The following EEA1 variants were observed in gnomAD, a reference collection of about 807,000 sequenced individuals.
The protein encoded by EEA1 is early endosome antigen 1.
EEA1 carries 111 observed loss-of-function variants against 209.2 expected under a neutral mutation model. That is an observed-to-expected ratio of 0.53 (90% CI 0.45 to 0.62). EEA1 has a LOEUF of 0.62. Ranked by LOEUF, EEA1 falls within the 20% of genes least tolerant of loss-of-function variation. The probability of loss-of-function intolerance (pLI) is 0.00; values close to 1 mark genes in which losing one functional copy is unlikely to be tolerated. For synonymous variants in EEA1, 536 were observed against 540.6 expected, an observed-to-expected ratio of 0.99 and a Z score of 0.12; for missense variants, 1,343 against 1,530.8, an observed-to-expected ratio of 0.88 and a Z score of 2.05.
chr12:92,840,809 T>C (rs530090252), intron 10 of EEA1, among the ~76,000 whole-genome samples: 1 of 152,266 alleles, frequency 6.6e-6, no homozygotes, highest in South Asian at 2.1e-4. Context: ...TTGCATATAT[T>C]GTTGCTATGG....
chr12:92,869,610 G>T (rs1382786092), intron 2 of EEA1, among the ~76,000 whole-genome samples: 1 of 150,014 alleles, frequency 6.7e-6, no homozygotes, highest in African/African-American at 2.4e-5. Context: ...CAAAAAATTA[G>T]CTGGGCATGC....
rs1475671383 is a variant in EEA1, at chr12:92,840,274, AAT to A, written c.915+2189_915+2190del. On this transcript the variant is annotated intron_variant, in intron 10 of 28. Transcript: ENST00000322349. ...AGTAAAGACAAAGGGAAAAAGTATT[AAT>A]ATTAGTACCTCCCCTAACCCCAAAC... Among the ~76,000 whole-genome samples the A allele has an allele frequency of 6.6e-5, 10 of 152,258 alleles. No homozygotes were observed. In the South Asian group the frequency reaches 2.1e-3, roughly 32 times the overall value.
chr12:92,842,238 G>A (rs535665144), intron 10 of EEA1, among the ~76,000 whole-genome samples: 1 of 151,944 alleles, frequency 6.6e-6, no homozygotes, highest in Non-Finnish European at 1.5e-5. Context: ...AAGCTTCCAG[G>A]AGCTAGAGAG....
At chr12:92,780,690 T>TTA (rs1203619237) in intron 23 of EEA1, among the ~76,000 whole-genome samples, 5 of 152,206 alleles carry the variant, frequency 3.3e-5, no homozygotes, top group Non-Finnish European at 7.3e-5. Flanking sequence ...ATTCTTACTC[T>TTA]TATAACTCCT....
chr12:92,858,803 CA>C (rs2136716814), intron 3 of EEA1: 1 of 784,326 alleles, frequency 1.3e-6, no homozygotes, highest in East Asian at 2.9e-5. Flanking sequence ...GATGAGGATA[CA>C]ATCTACCACC....
At chr12:92,790,362 T>C (rs1874345577) in intron 21 of EEA1, among the ~76,000 whole-genome samples, 1 of 152,164 alleles carries the variant, frequency 6.6e-6, no homozygotes, top group African/African-American at 2.4e-5. Context: ...TTCGAACCCA[T>C]CGCAAGGAAG....
intron 1 of EEA1, among the ~76,000 whole-genome samples, chr12:92,912,758 A>G (rs1313531863): frequency 6.6e-6 from 1 of 151,756 alleles, no homozygotes; most frequent in Non-Finnish European, 1.5e-5. Context: ...ATCTGTATCC[A>G]TTGTCTAGCT....
intron 18 of EEA1, among the ~76,000 whole-genome samples, chr12:92,804,574 A>AAAG (rs1875101494): frequency 1.3e-5 from 2 of 149,836 alleles, no homozygotes; most frequent in East Asian, 3.9e-4. Context: ...TCTGTCTCAA[A>AAAG]AAAAAAAAAA....
intron 7 of EEA1, 26 bp downstream of exon 7, chr12:92,852,886 G>T: frequency 1.3e-6 from 2 of 1,522,148 alleles, no homozygotes; most frequent in Non-Finnish European, 1.8e-6. Flanking sequence ...TTGATTTATT[G>T]GCTAAAAAAT....
intron 9 of EEA1, among the ~76,000 whole-genome samples, chr12:92,850,796 A>G (rs1877594101): frequency 6.6e-6 from 1 of 151,666 alleles, no homozygotes; most frequent in African/African-American, 2.4e-5. Flanking sequence ...AGAAAATGCT[A>G]TCATTCTTCC....
chr12:92,876,151 C>T (rs969584926), intron 2 of EEA1, among the ~76,000 whole-genome samples: 3 of 152,138 alleles, frequency 2.0e-5, no homozygotes, highest in Non-Finnish European at 4.4e-5. Context: ...GATTAACTTG[C>T]GGCCTCGAAC....
chr12:92,864,322 C>T lies in EEA1; in HGVS notation c.245+538G>A, dbSNP rs942598858. Among the ~76,000 whole-genome samples the T allele has an allele frequency of 1.6e-4, 24 of 151,948 alleles. 1 individual carries two copies. Among genetic ancestry groups the T allele is most frequent in the Admixed American group, 1.5e-3 (23 of 15,246 alleles). On this transcript the variant is annotated intron_variant, in intron 3 of 28. Coordinates refer to ENST00000322349, the MANE Select transcript of EEA1 (RefSeq NM_003566.4). ...GGGGATAAAAGACAAGAGTTCTCTC[C>T]AATAGCAGAAGAAATGCAAAGTTAT...
At chr12:92,889,967 G>A (rs963420944) in intron 2 of EEA1, among the ~76,000 whole-genome samples, 3 of 151,924 alleles carry the variant, frequency 2.0e-5, no homozygotes, top group African/African-American at 7.3e-5. Context: ...AACAAAGCTG[G>A]GGTTATTCCA....
At chr12:92,926,086 C>T (rs1881203398) in intron 1 of EEA1, among the ~76,000 whole-genome samples, 2 of 151,670 alleles carry the variant, frequency 1.3e-5, no homozygotes, top group South Asian at 2.1e-4. Flanking sequence ...CTCCACCTCC[C>T]GGGTTCAAGT....
In EEA1 at chr12:92,787,988, T is replaced by C. The variant is rs76077763; in HGVS notation, c.3029A>G (p.Glu1010Gly). ...LTQAAQELAAEKEKISVLQNN... is the reference protein window; with the variant it reads ...LTQAAQELAAGKEKISVLQNN... ...TTGTAATACTGATATTTTCTCTTTC[T>C]CTGCTGCAAGTTCCTGGGCTGCCTG... The change falls in exon 22 of 29, where the codon GAG becomes GGG. Residue 1010 changes from glutamate (E) to glycine (G), a missense_variant. Glu to Gly is a moderately conservative substitution (Grantham distance 98). Coordinates refer to ENST00000322349, the MANE Select transcript of EEA1 (RefSeq NM_003566.4). The C allele has an allele frequency of 1.6e-4, 265 of 1,612,920 alleles. 2 individuals are homozygous for C. The East Asian group carries it at 5.9e-3, about 36-fold the overall frequency.
chr12:92,887,660 T>TA lies in EEA1; in HGVS notation c.117+3968dup, dbSNP rs202029878. ...AAGACCTTGTCTCAAAAAATAAAAA[T>TA]AAAAAAAATACCTATGATAGAATAA... On this transcript the variant is annotated intron_variant, in intron 2 of 28. Transcript: ENST00000322349. Among the ~76,000 whole-genome samples the TA allele has an allele frequency of 6.0e-3, 902 of 151,164 alleles. 8 individuals are homozygous for TA. The highest frequency in any genetic ancestry group is 0.021 in the African/African-American group (859 of 41,218).
At chr12:92,834,209 A>G (rs1430828115) in intron 10 of EEA1, among the ~76,000 whole-genome samples, 2 of 152,096 alleles carry the variant, frequency 1.3e-5, no homozygotes, top group East Asian at 3.9e-4. Flanking sequence ...TCAAACAGAA[A>G]TATACTATGG....
chr12:92,802,278 T>G (rs1317786009), intron 19 of EEA1, 126 bp downstream of exon 19: 2 of 858,408 alleles, frequency 2.3e-6, no homozygotes, highest in Non-Finnish European at 3.4e-6. Context: ...ATTAATTTCC[T>G]CATAAGAACT....
intron 9 of EEA1, among the ~76,000 whole-genome samples, chr12:92,849,097 G>T (rs1251764477): frequency 6.6e-6 from 1 of 152,118 alleles, no homozygotes; most frequent in Non-Finnish European, 1.5e-5. Flanking sequence ...AAAAGTATAT[G>T]CATAACTCCA....
Sources: allele counts gnomAD v4.1 joint callset (sites outside exome capture counted in the v4.1 genomes callset), GRCh38; gene constraint gnomAD v4.1.1; transcripts MANE v1.5; gene names NCBI Gene and HGNC (gene_info 2026-07-23, HGNC 2026-07-21).